The following IL1RAPL2 variants were observed in gnomAD, a reference collection of about 807,000 sequenced individuals.
The protein encoded by IL1RAPL2 is X-linked interleukin-1 receptor accessory protein-like 2.
A neutral mutation model predicts 44.1 loss-of-function variants in IL1RAPL2; 3 were observed. The ratio of observed to expected loss-of-function variants is 0.07; its 90% confidence interval spans 0.03 to 0.18. The LOEUF is 0.18. Ranked by LOEUF, IL1RAPL2 falls within the 10% of genes least tolerant of loss-of-function variation. The pLI is 1.00. For synonymous variants in IL1RAPL2, 181 were observed against 178.8 expected (o/e 1.01, Z -0.10); for missense variants, 391 against 496.4 (o/e 0.79, Z 2.02).
chrX:105,616,922 C>T (rs1439468897), intron 6 of IL1RAPL2, among the ~76,000 whole-genome samples: 1 of 109,870 alleles, frequency 9.1e-6, no homozygotes, highest in Non-Finnish European at 1.9e-5. Flanking sequence ...GATCTGAGTT[C>T]TAGTGACACA....
At chrX:104,877,574 C>T (rs2147656143) in intron 2 of IL1RAPL2, among the ~76,000 whole-genome samples, 1 of 112,436 alleles carries the variant, frequency 8.9e-6, no homozygotes, top group African/African-American at 3.2e-5. Flanking sequence ...TTGCATGTCA[C>T]TTTTTGGAAA....
chrX:104,948,526 C>A (rs1925462712), intron 2 of IL1RAPL2, among the ~76,000 whole-genome samples: 1 of 103,209 alleles, frequency 9.7e-6, no homozygotes, highest in South Asian at 4.9e-4. Context: ...CCAGTTTTTG[C>A]CCATTCAGTA....
At chrX:104,702,666 G>A (rs1931296064) in intron 2 of IL1RAPL2, among the ~76,000 whole-genome samples, 2 of 111,624 alleles carry the variant, frequency 1.8e-5, no homozygotes, top group Admixed American at 1.9e-4. Flanking sequence ...ATGTGCTAGT[G>A]CACCATCTTG....
intron 2 of IL1RAPL2, among the ~76,000 whole-genome samples, chrX:104,759,653 G>C (rs1456344970): frequency 1.8e-5 from 2 of 110,850 alleles, no homozygotes; most frequent in Non-Finnish European, 3.8e-5. Context: ...AAAAAAGGTA[G>C]AATTTCTCAT....
intron 2 of IL1RAPL2, among the ~76,000 whole-genome samples, chrX:104,977,477 A>G (rs1205056241): frequency 9.0e-6 from 1 of 111,582 alleles, no homozygotes; most frequent in Non-Finnish European, 1.9e-5. Context: ...TCTCTTGCCA[A>G]TTGCTGCCTC....
intron 5 of IL1RAPL2, among the ~76,000 whole-genome samples, chrX:105,378,349 T>C (rs1423402015): frequency 8.9e-6 from 1 of 111,913 alleles, no homozygotes; most frequent in African/African-American, 3.2e-5. Flanking sequence ...AATGCTGTCT[T>C]TTATTTACGC....
At chrX:105,698,150 AATC>A (rs2038091581) in intron 6 of IL1RAPL2, among the ~76,000 whole-genome samples, 1 of 111,119 alleles carries the variant, frequency 9.0e-6, no homozygotes, top group African/African-American at 3.3e-5. Context: ...TACATTACAC[AATC>A]ATCATCATTG....
chrX:104,953,341 A>T (rs1166565694), intron 2 of IL1RAPL2, among the ~76,000 whole-genome samples: 1 of 112,090 alleles, frequency 8.9e-6, no homozygotes, highest in Admixed American at 9.5e-5. Context: ...AACATAACTA[A>T]GTTAGAGAAT....
intron 1 of IL1RAPL2, among the ~76,000 whole-genome samples, chrX:104,623,511 A>G (rs1040494743): frequency 9.0e-6 from 1 of 111,120 alleles, no homozygotes; most frequent in African/African-American, 3.3e-5. Context: ...GGGAGTATTC[A>G]CACCACAGGA....
rs189338557 is a variant in IL1RAPL2, at chrX:104,732,760, C to T, written c.82+73765C>T. ...GAGAATTAAAAAAGAGGGAAAATTC[C>T]CCTGAACTAATTTTCAGAGTCTAAT... On this transcript the variant is annotated intron_variant, in intron 2 of 10. Transcript: ENST00000372582. Among the ~76,000 whole-genome samples, 3 of 111,073 alleles carry T rather than the reference C, an allele frequency of 2.7e-5. No homozygotes were observed. The East Asian group carries it at 8.5e-4, about 32-fold the overall frequency.
intron 5 of IL1RAPL2, among the ~76,000 whole-genome samples, chrX:105,327,535 C>A (rs2034949548): frequency 9.0e-6 from 1 of 111,633 alleles, no homozygotes; most frequent in African/African-American, 3.3e-5. Flanking sequence ...TGTGACTTGA[C>A]CTCAACAATA....
rs1443527523 is a variant in IL1RAPL2 at position 105,044,370 on chromosome X, C to T, written c.83-151105C>T. Among the ~76,000 whole-genome samples the T allele has an allele frequency of 6.3e-5, 7 of 110,431 alleles. No individual in the cohort carries two copies. The Admixed American group carries it at 6.8e-4, about 11-fold the overall frequency. ...CCTGAATCTCTACTCCATCCCTAAACCCCACTGAAATGACATTAAAGGAAT... is the reference window on the plus strand; with the variant it reads ...CCTGAATCTCTACTCCATCCCTAAATCCCACTGAAATGACATTAAAGGAAT... On this transcript the variant is annotated intron_variant, in intron 2 of 10. Transcript: ENST00000372582.
intron 1 of IL1RAPL2, among the ~76,000 whole-genome samples, chrX:104,570,939 CTT>C (rs1173551082): frequency 5.5e-5 from 6 of 108,626 alleles, no homozygotes; most frequent in Non-Finnish European, 1.2e-4. Context: ...CCCAAGCAAA[CTT>C]TTGTTTTTTT....
At chrX:105,361,466 TA>T (rs1473744449) in intron 5 of IL1RAPL2, among the ~76,000 whole-genome samples, 19 of 111,434 alleles carry the variant, frequency 1.7e-4, no homozygotes, top group African/African-American at 5.9e-4. Flanking sequence ...AAGCTATGTA[TA>T]TAATCCACAA....
intron 5 of IL1RAPL2, among the ~76,000 whole-genome samples, chrX:105,365,306 A>G (rs1198990881): frequency 9.0e-6 from 1 of 111,610 alleles, no homozygotes; most frequent in African/African-American, 3.3e-5. Context: ...ATTTGCTACT[A>G]CATTGTTCAG....
At chrX:105,269,354 A>C (rs1025536669) in intron 5 of IL1RAPL2, among the ~76,000 whole-genome samples, 2 of 110,167 alleles carry the variant, frequency 1.8e-5, no homozygotes, top group Non-Finnish European at 3.8e-5. Context: ...GTCTTTTTCA[A>C]AATTCTAAAT....
At chrX:105,193,932 G>A (rs946575157) in intron 2 of IL1RAPL2, among the ~76,000 whole-genome samples, 7 of 111,547 alleles carry the variant, frequency 6.3e-5, no homozygotes, top group African/African-American at 1.6e-4. Flanking sequence ...AACAGCCCAC[G>A]TGCAGCAGGC....
intron 2 of IL1RAPL2, among the ~76,000 whole-genome samples, chrX:104,994,933 T>C (rs1339433487): frequency 1.8e-5 from 2 of 110,337 alleles, no homozygotes; most frequent in Non-Finnish European, 3.8e-5. Context: ...GTACAAGACC[T>C]GGGTATTTCA....
chrX:105,545,452 G>A (rs1326823797), intron 6 of IL1RAPL2, among the ~76,000 whole-genome samples: 2 of 112,283 alleles, frequency 1.8e-5, no homozygotes, highest in African/African-American at 6.5e-5. Flanking sequence ...ACTAGTAAAC[G>A]GGAAGTAGCC....
Sources: gnomAD v4.1 joint callset for allele counts (sites outside exome capture counted in the v4.1 genomes callset) on GRCh38, gnomAD v4.1.1 for gene constraint, MANE v1.5 for transcripts, NCBI Gene and HGNC (gene_info 2026-07-23, HGNC 2026-07-21) for gene names.